The following KCNT2 variants were observed in gnomAD, a reference collection of about 807,000 sequenced individuals.
KCNT2 encodes potassium channel subfamily T member 2.
In KCNT2, 67 loss-of-function variants were observed where a neutral mutation model predicts 153.8. The ratio of observed to expected loss-of-function variants is 0.44; its 90% CI spans 0.36 to 0.53. KCNT2 has a LOEUF of 0.53. Among genes scored for constraint, KCNT2 ranks in the 20% least tolerant of loss-of-function variants. The pLI, the probability that KCNT2 is intolerant of heterozygous loss-of-function variation, is 0.00. For missense variants in KCNT2, 975 were observed against 1,354.8 expected, an observed-to-expected ratio of 0.72 and a Z score of 4.40; for synonymous variants, 500 against 458.8, an observed-to-expected ratio of 1.09 and a Z score of -1.15.
chr1:196,455,462 G>GT (rs1281947628), intron 8 of KCNT2, among the ~76,000 whole-genome samples: 1 of 151,808 alleles, frequency 6.6e-6, no homozygotes, highest in Non-Finnish European at 1.5e-5. Flanking sequence ...TGAGATGGTG[G>GT]TTTTTTTCTA....
At chr1:196,420,432 A>G (rs995286784) in intron 12 of KCNT2, among the ~76,000 whole-genome samples, 1 of 151,628 alleles carries the variant, frequency 6.6e-6, no homozygotes, top group Admixed American at 6.6e-5. Flanking sequence ...TCAAATCCCT[A>G]TGTCTGCTGT....
intron 3 of KCNT2, among the ~76,000 whole-genome samples, chr1:196,482,954 G>A (rs907729552): frequency 6.6e-6 from 1 of 152,048 alleles, no homozygotes; most frequent in Non-Finnish European, 1.5e-5. Flanking sequence ...AAAGGCTTAT[G>A]CTCTGGAAAG....
chr1:196,527,060 TCTAA>T (rs1203002503), intron 1 of KCNT2, among the ~76,000 whole-genome samples: 2 of 152,128 alleles, frequency 1.3e-5, no homozygotes, highest in Non-Finnish European at 1.5e-5. Flanking sequence ...CTTATGAGAA[TCTAA>T]CTAACGTCTG....
At position 196,398,604 on chromosome 1, in the gene KCNT2, TG is replaced by T; in HGVS notation, c.1252del (p.Gln418ArgfsTer3). 1 of 1,608,194 alleles carries T rather than the reference TG, an allele frequency of 6.2e-7. No homozygotes were observed. The highest frequency in any genetic ancestry group is 8.5e-7 in the Non-Finnish European group (1 of 1,175,980). On this transcript the variant is annotated frameshift_variant, in exon 13 of 28. Coordinates refer to ENST00000294725, the MANE Select transcript of KCNT2 (RefSeq NM_198503.5). LOFTEE classifies it high-confidence loss of function. ...AAATTTATTTTCAGGCTTTAATATC[TG>T]GACATACAAAGGACAATTTGGAGCA... ...DFAPNCPLYV[Q>X]ILKPENKFHI...
intron 1 of KCNT2, among the ~76,000 whole-genome samples, chr1:196,516,285 C>T (rs908874713): frequency 1.3e-5 from 2 of 151,998 alleles, no homozygotes; most frequent in Admixed American, 6.5e-5. Flanking sequence ...TCATTGTTGC[C>T]TTAGGGCTCT....
intron 1 of KCNT2, among the ~76,000 whole-genome samples, chr1:196,504,690 T>C (rs1276396209): frequency 6.6e-6 from 1 of 152,118 alleles, no homozygotes; most frequent in African/African-American, 2.4e-5. Flanking sequence ...AACTAGTTTA[T>C]AGTCCCACCA....
At chr1:196,593,307 T>C (rs1229794823) in intron 1 of KCNT2, among the ~76,000 whole-genome samples, 5 of 124,820 alleles carry the variant, frequency 4.0e-5, no homozygotes, top group African/African-American at 2.0e-4. Flanking sequence ...TATATATATA[T>C]ATATACACAC....
intron 1 of KCNT2, among the ~76,000 whole-genome samples, chr1:196,519,428 C>T (rs1307795307): frequency 1.3e-5 from 2 of 151,668 alleles, no homozygotes; most frequent in African/African-American, 4.8e-5. Context: ...TAGCAGAAGA[C>T]AAGAAGTAAT....
chr1:196,315,414 T>A (rs1036566816), intron 21 of KCNT2, among the ~76,000 whole-genome samples: 1 of 151,738 alleles, frequency 6.6e-6, no homozygotes, highest in Admixed American at 6.6e-5. Context: ...TTAAATTCAA[T>A]GGGTACATTT....
intron 5 of KCNT2, among the ~76,000 whole-genome samples, chr1:196,477,563 G>A (rs887038001): frequency 6.6e-6 from 1 of 152,036 alleles, no homozygotes; most frequent in Admixed American, 6.6e-5. Context: ...TCCAGCCTGG[G>A]TGACAGTGTG....
chr1:196,547,233 C>G (rs907943730), intron 1 of KCNT2, among the ~76,000 whole-genome samples: 2 of 151,836 alleles, frequency 1.3e-5, no homozygotes, highest in African/African-American at 2.4e-5. Context: ...GTGGGAGATA[C>G]TGTTGCTAAG....
At chr1:196,484,977 AC>A in intron 3 of KCNT2, among the ~76,000 whole-genome samples, 1 of 152,134 alleles carries the variant, frequency 6.6e-6, no homozygotes, top group South Asian at 2.1e-4. Context: ...AAATCATTCT[AC>A]TCTAAAGACA....
intron 12 of KCNT2, among the ~76,000 whole-genome samples, chr1:196,413,367 C>A (rs546960209): frequency 6.6e-6 from 1 of 151,676 alleles, no homozygotes; most frequent in Non-Finnish European, 1.5e-5. Flanking sequence ...TGCTTGATCA[C>A]ATGAAAGTGA....
intron 25 of KCNT2, chr1:196,273,556 A>G: frequency 8.9e-7 from 1 of 1,127,542 alleles, no homozygotes; most frequent in Non-Finnish European, 1.3e-6. Flanking sequence ...CAATAGATGC[A>G]TGCCAACAAT....
At chr1:196,306,590 C>T (rs186039266) in intron 21 of KCNT2, among the ~76,000 whole-genome samples, 3 of 152,246 alleles carry the variant, frequency 2.0e-5, no homozygotes. Flanking sequence ...TACTGCTCTG[C>T]AGCAAGCAGG....
Position 196,342,354 on chromosome 1 carries a change from A to G in KCNT2, c.1404-126T>C, listed in dbSNP as rs1665723715. ...ACTGGCAAGCACAATCCAAAGGAGC[A>G]TCTGAGTAATGCTTTGAAGTCTGAA... On this transcript the variant is annotated intron_variant, in intron 14 of 27. Transcript: ENST00000294725. The G allele has an allele frequency of 6.3e-6, 4 of 636,176 alleles. No homozygotes were observed. The East Asian group carries it at 1.3e-4, about 20-fold the overall frequency. 39.4% of individuals were successfully genotyped at this position (636,176 alleles called of 1,614,324 possible).
intron 8 of KCNT2, among the ~76,000 whole-genome samples, chr1:196,437,618 C>A (rs1157642455): frequency 6.7e-6 from 1 of 150,288 alleles, no homozygotes; most frequent in African/African-American, 2.4e-5. Flanking sequence ...CATTTATAGT[C>A]ATTTACTTTC....
At chr1:196,409,327 T>A (rs1005587906) in intron 12 of KCNT2, among the ~76,000 whole-genome samples, 1 of 151,488 alleles carries the variant, frequency 6.6e-6, no homozygotes, top group Non-Finnish European at 1.5e-5. Context: ...TTCAAAATCT[T>A]TATTAACGGC....
intron 1 of KCNT2, among the ~76,000 whole-genome samples, chr1:196,577,010 A>G (rs1661453730): frequency 6.6e-6 from 1 of 152,178 alleles, no homozygotes; most frequent in Non-Finnish European, 1.5e-5. Context: ...CATTGAATAG[A>G]AAATAAAATT....
Sources: gnomAD v4.1 joint callset for allele counts (sites outside exome capture counted in the v4.1 genomes callset) on GRCh38, gnomAD v4.1.1 for gene constraint, MANE v1.5 for transcripts, NCBI Gene and HGNC (gene_info 2026-07-23, HGNC 2026-07-21) for gene names.